The following PLA1A variants were observed in gnomAD, a reference collection of about 807,000 sequenced individuals.
PLA1A encodes the protein phospholipase A1 member A.
A neutral mutation model predicts 49.4 loss-of-function variants in PLA1A; 47 were observed. The ratio of observed to expected loss-of-function variants is 0.95; its 90% CI spans 0.75 to 1.21. The LOEUF is 1.21. Ranked by LOEUF, PLA1A falls within the 50% of genes most tolerant of loss-of-function variation. The pLI is 0.00. For synonymous variants in PLA1A, 224 were observed against 207.9 expected (o/e 1.08, Z -0.67); for missense variants, 561 against 563.9 (o/e 0.99, Z 0.05).
At position 119,608,963 on chromosome 3, in the gene PLA1A, C is replaced by G. The variant is rs1270142469; in HGVS notation, c.453+16C>G. On this transcript the variant is annotated intron_variant, in intron 3 of 10. Coordinates refer to ENST00000273371, the MANE Select transcript of PLA1A (RefSeq NM_015900.4). ...TAAACTCCTGGTAGGTGCAGAAGAG[C>G]TTAGGGTGAGTTTGGGCTGCGTATG... The G allele has an allele frequency of 6.2e-7, 1 of 1,608,928 alleles. No individual in the cohort carries two copies. The highest frequency in any genetic ancestry group is 8.5e-7 in the Non-Finnish European group (1 of 1,175,664).
At chr3:119,610,415 T>C (rs1226622185) in intron 4 of PLA1A, among the ~76,000 whole-genome samples, 2 of 152,198 alleles carry the variant, frequency 1.3e-5, no homozygotes, top group African/African-American at 4.8e-5. Flanking sequence ...CTTTCCATAG[T>C]GGCTGAACTT....
intron 2 of PLA1A, among the ~76,000 whole-genome samples, chr3:119,608,297 A>T (rs74631144): frequency 0.049 from 7,374 of 151,228 alleles, 259 homozygotes; most frequent in Non-Finnish European, 0.073. Context: ...AGAAAGAAAG[A>T]AAAAGAAAAT....
chr3:119,621,775 C>T (rs1481670776), intron 8 of PLA1A, among the ~76,000 whole-genome samples: 3 of 152,144 alleles, frequency 2.0e-5, no homozygotes, highest in Non-Finnish European at 2.9e-5. Flanking sequence ...TTGTAAGCAG[C>T]AGGGTTGGGC....
intron 5 of PLA1A, 36 bp downstream of exon 5, chr3:119,613,154 A>T: frequency 7.2e-7 from 1 of 1,386,066 alleles, no homozygotes; most frequent in Non-Finnish European, 1.0e-6. Context: ...TGAGGGAATG[A>T]GCTCAAGGCA....
At chr3:119,620,221 A>G (rs1577151302) in intron 8 of PLA1A, 8 of 451,620 alleles carry the variant, frequency 1.8e-5, no homozygotes, top group South Asian at 3.2e-5. Flanking sequence ...ATCCTTCCCT[A>G]TGCTATGTGC....
At chr3:119,619,472 G>A in intron 7 of PLA1A, 91 bp from the exon 8 acceptor site, 1 of 769,300 alleles carries the variant, frequency 1.3e-6, no homozygotes. Context: ...GGAATAAATG[G>A]GTGCATGAAT....
intron 8 of PLA1A, among the ~76,000 whole-genome samples, chr3:119,622,129 G>GA (rs1319065879): frequency 4.2e-4 from 63 of 149,024 alleles, no homozygotes; most frequent in African/African-American, 1.5e-3. Flanking sequence ...AGGAGAAGAA[G>GA]AGGAAGAGGA....
In PLA1A at chr3:119,615,874, G is replaced by A. The variant is rs188866548; in HGVS notation, c.665-138G>A. The A allele has an allele frequency of 1.5e-3, 958 of 627,402 alleles. 19 individuals are homozygous for A. The South Asian group carries it at 0.018, about 12-fold the overall frequency. The allele number at this position is 627,402 out of a possible 1,614,324, so 38.9% of individuals were successfully genotyped here. ...AAGAAAAGAAAAGAAATCTGTCTGA[G>A]GGCTCATCCTGTGAAGTCTCACAGC... On this transcript the variant is annotated intron_variant, in intron 5 of 10. Transcript: ENST00000273371.
chr3:119,609,452 G>A lies in PLA1A; in HGVS notation c.454-16G>A. 1.3e-6 allele frequency: 2 copies of A among 1,532,668 alleles called. No individual in the cohort carries two copies. The highest frequency in any genetic ancestry group is 1.8e-6 in the Non-Finnish European group (2 of 1,105,800). The allele number at this position is 1,532,668 out of a possible 1,614,324, so 94.9% of individuals were successfully genotyped here. On this transcript the variant is annotated splice_polypyrimidine_tract_variant and intron_variant, in intron 3 of 10. Coordinates refer to ENST00000273371, the MANE Select transcript of PLA1A (RefSeq NM_015900.4). The stretch of plus-strand genomic sequence containing the variant: ...CTCTGTGGCCCACGGGGAACTCACT[G>A]TTCCTGCTCTTCTAGGTGCTGGGTG...
chr3:119,600,504 G>T (rs527746773), intron 1 of PLA1A: 1 of 674,278 alleles, frequency 1.5e-6, no homozygotes, highest in South Asian at 1.6e-5. Context: ...CCCTTTCTCC[G>T]CTAGACTTTG....
intron 1 of PLA1A, among the ~76,000 whole-genome samples, chr3:119,603,744 C>A (rs539982278): frequency 6.6e-6 from 1 of 152,302 alleles, no homozygotes; most frequent in African/African-American, 2.4e-5. Context: ...AGGGCTCCAC[C>A]AAAGGGATGT....
At position 119,629,411 on chromosome 3, in the gene PLA1A, A is replaced by T. The variant is rs1467945748; in HGVS notation, c.1314A>T (p.Pro438=). The change falls in exon 11 of 11, where the codon CCA becomes CCT. Residue 438 remains proline, a synonymous_variant. Coordinates refer to ENST00000273371, the MANE Select transcript of PLA1A (RefSeq NM_015900.4). ...AAAAGATGGTCTGCTTACCTGAACC[A>T]GTGAACTTACAAGCAAGTGTGACTG... The part of the protein sequence containing the change: ...DREKMVCLPE[P]VNLQASVTVS... 5 of 1,611,572 alleles carry T rather than the reference A, an allele frequency of 3.1e-6. No homozygotes were observed. Among genetic ancestry groups the T allele is most frequent in the Non-Finnish European group, 4.2e-6 (5 of 1,177,692 alleles).
chr3:119,601,474 G>A (rs1470980417), intron 1 of PLA1A, among the ~76,000 whole-genome samples: 1 of 152,180 alleles, frequency 6.6e-6, no homozygotes, highest in African/African-American at 2.4e-5. Flanking sequence ...GCTATTTTCA[G>A]ACTCAGACAA....
Position 119,619,667 on chromosome 3 carries a change from A to T in PLA1A, c.1012+15A>T. On this transcript the variant is annotated intron_variant, in intron 8 of 10. Transcript: ENST00000273371. Reference sequence around the variant, plus strand: ...TCCGTACTGCAGTGAGTAGGGGGAAATGCATGAGCTCAGCTCTGCCAGGGC... The same window carrying T: ...TCCGTACTGCAGTGAGTAGGGGGAATTGCATGAGCTCAGCTCTGCCAGGGC... 1 of 1,538,846 alleles carries T rather than the reference A, an allele frequency of 6.5e-7. No homozygotes were observed. The highest frequency in any genetic ancestry group is 9.0e-7 in the Non-Finnish European group (1 of 1,111,160).
rs115961187 is a variant in PLA1A, at chr3:119,623,711, C to T, written c.1013-1413C>T. On this transcript the variant is annotated intron_variant, in intron 8 of 10. Transcript: ENST00000273371. ...TTGCTGTATTTAATGAGTTAATTCTCTCTTTCTTTTTTTTTTTTTTTTTTT... is the reference window on the plus strand; with the variant it reads ...TTGCTGTATTTAATGAGTTAATTCTTTCTTTCTTTTTTTTTTTTTTTTTTT... Among the ~76,000 whole-genome samples the T allele has an allele frequency of 7.2e-3, 903 of 124,946 alleles. 12 individuals carry two copies. Among genetic ancestry groups the T allele is most frequent in the African/African-American group, 0.025 (833 of 33,140 alleles). 82.0% of individuals were successfully genotyped at this position (124,946 alleles called of 152,430 possible). A position where few individuals can be genotyped will look rare whatever the true frequency, so the allele number is the denominator to read the frequency against.
At chr3:119,614,749 A>G (rs1434010991) in intron 5 of PLA1A, among the ~76,000 whole-genome samples, 1 of 152,082 alleles carries the variant, frequency 6.6e-6, no homozygotes, top group East Asian at 1.9e-4. Context: ...ACTTAAAAAA[A>G]AAAACATTCT....
chr3:119,602,383 G>A (rs777540130), intron 1 of PLA1A, among the ~76,000 whole-genome samples: 8 of 152,080 alleles, frequency 5.3e-5, no homozygotes, highest in Admixed American at 1.3e-4. Context: ...GGTAAGTTAC[G>A]TTTTTCTAGG....
rs372110286 is a variant in PLA1A at position 119,607,234 on chromosome 3, T to C, written c.275+259T>C. On this transcript the variant is annotated intron_variant, in intron 2 of 10. Coordinates refer to ENST00000273371, the MANE Select transcript of PLA1A (RefSeq NM_015900.4). ...CAGTACATGTCTGTGACTGGACAAA[T>C]CTCCGTACACAGAACCTTTATTACC... The C allele has an allele frequency of 8.5e-6, 4 of 473,216 alleles. No individual in the cohort carries two copies. The Admixed American group carries it at 1.5e-4, about 17-fold the overall frequency. 29.3% of individuals were successfully genotyped at this position (473,216 alleles called of 1,614,324 possible). A position where few individuals can be genotyped will look rare whatever the true frequency, so the allele number is the denominator to read the frequency against.
chr3:119,598,978 G>A (rs2082578259), intron 1 of PLA1A, among the ~76,000 whole-genome samples: 1 of 152,220 alleles, frequency 6.6e-6, no homozygotes, highest in Non-Finnish European at 1.5e-5. Flanking sequence ...CCTAAAAGGT[G>A]AGGATTTGAG....
Sources: allele counts gnomAD v4.1 joint callset (sites outside exome capture counted in the v4.1 genomes callset), GRCh38; gene constraint gnomAD v4.1.1; transcripts MANE v1.5; gene names NCBI Gene and HGNC (gene_info 2026-07-23, HGNC 2026-07-21).